The following PRDM7 variants were observed in gnomAD, a reference collection of about 807,000 sequenced individuals.
PRDM7 encodes histone-lysine N-methyltransferase PRDM7.
A neutral mutation model predicts 64.3 loss-of-function variants in PRDM7; 52 were observed. The ratio of observed to expected loss-of-function variants is 0.81; its 90% CI spans 0.65 to 1.02. The LOEUF (loss-of-function observed/expected upper bound fraction) is 1.02, where lower values mean the gene tolerates loss of function less well. PRDM7 is among the 50% of genes least tolerant of loss of function. PRDM7 has a pLI of 0.00. For synonymous variants in PRDM7, 192 were observed against 210.1 expected, an observed-to-expected ratio of 0.91 and a Z score of 0.74; for missense variants, 574 against 597.1, an observed-to-expected ratio of 0.96 and a Z score of 0.40.
In PRDM7 at chr16:90,066,096, G is replaced by T. The variant is rs1169046003; in HGVS notation, c.351+765C>A. Among the ~76,000 whole-genome samples, 17 of 151,364 alleles carry T rather than the reference G, an allele frequency of 1.1e-4. No individual in the cohort carries two copies. The East Asian group carries it at 3.3e-3, about 29-fold the overall frequency. ...CTACAGGAATGAGCATTTGAAATTG[G>T]TTCCAGAAGAATATATTTTTACTTA... On this transcript the variant is annotated intron_variant, in intron 5 of 10. Coordinates refer to ENST00000449207, the MANE Select transcript of PRDM7 (RefSeq NM_001098173.2).
Position 90,062,594 on chromosome 16 carries a change from T to C in PRDM7, c.509-92A>G, listed in dbSNP as rs569489233. ...AATGTGAAATCTCCTACCATCAAATTAGCATCTACCTTTCTACATACTCTA... is the reference window on the plus strand; with the variant it reads ...AATGTGAAATCTCCTACCATCAAATCAGCATCTACCTTTCTACATACTCTA... On this transcript the variant is annotated intron_variant, in intron 6 of 10. Transcript: ENST00000449207. The C allele has an allele frequency of 4.5e-5, 50 of 1,118,144 alleles. No individual in the cohort carries two copies. The African/African-American group carries it at 7.2e-4, about 16-fold the overall frequency. The allele number at this position is 1,118,144 out of a possible 1,614,324, so 69.3% of individuals were successfully genotyped here. A position where few individuals can be genotyped will look rare whatever the true frequency, so the allele number is the denominator to read the frequency against.
intron 8 of PRDM7, 67 bp from the exon 9 acceptor site, chr16:90,061,586 C>T (rs376811283): frequency 3.8e-5 from 57 of 1,519,948 alleles, no homozygotes; most frequent in African/African-American, 2.1e-4. Context: ...TTTTACTCCA[C>T]GGTCATCAAT....
rs2037870011 is a variant in PRDM7, at chr16:90,066,204, G to A, written c.351+657C>T. ...TTCGAACCTGAAACCCTTCAGGGCT[G>A]GAAGCTGCTTCCTCTGATCAGAATG... On this transcript the variant is annotated intron_variant, in intron 5 of 10. Transcript: ENST00000449207. Among the ~76,000 whole-genome samples, 3 of 151,264 alleles carry A rather than the reference G, an allele frequency of 2.0e-5. No individual in the cohort carries two copies. The South Asian group carries it at 6.2e-4, about 31-fold the overall frequency.
intron 4 of PRDM7, among the ~76,000 whole-genome samples, chr16:90,072,280 C>A: frequency 6.6e-6 from 1 of 151,636 alleles, no homozygotes. Context: ...TATTTGCACA[C>A]TGATAGTTAT....
At position 90,075,540 on chromosome 16, in the gene PRDM7, C is replaced by G; in HGVS notation, c.70-66G>C. 1.2e-6 allele frequency: 2 copies of G among 1,613,114 alleles called. No homozygotes were observed. On this transcript the variant is annotated intron_variant, in intron 2 of 10. Coordinates refer to ENST00000449207, the MANE Select transcript of PRDM7 (RefSeq NM_001098173.2). The surrounding 1 kb of genome is among the most constrained non-coding windows in gnomAD (Gnocchi z 4.3). The stretch of plus-strand genomic sequence containing the variant: ...ACATCGAGCTGGTCCTTTTCCTCTA[C>G]CCTGCGTGTAGGGCATAGCCTGGGG...
chr16:90,058,029 C>A lies in PRDM7; in HGVS notation c.*260G>T. ...TCCCACACTCTCTGCAGACGTAGGG[C>A]TTCCCCCCTGTGTGTGTCCTTTGGT... On this transcript the variant is annotated 3_prime_UTR_variant, in exon 11 of 11. Transcript: ENST00000449207. 1 of 1,610,726 alleles carries A rather than the reference C, an allele frequency of 6.2e-7. No individual in the cohort carries two copies. Among genetic ancestry groups the A allele is most frequent in the South Asian group, 1.1e-5 (1 of 91,038 alleles).
At chr16:90,064,237 T>A (rs370614286) in intron 5 of PRDM7, among the ~76,000 whole-genome samples, 18 of 152,178 alleles carry the variant, frequency 1.2e-4, no homozygotes, top group African/African-American at 4.1e-4. Flanking sequence ...TCTAGACAAC[T>A]AAGAAAGTGA....
intron 6 of PRDM7, among the ~76,000 whole-genome samples, chr16:90,063,330 C>T (rs540672854): frequency 2.0e-5 from 3 of 152,220 alleles, no homozygotes; most frequent in African/African-American, 4.8e-5. Flanking sequence ...CCCAGCTACT[C>T]GGGTGACTGA....
chr16:90,061,150 C>T (rs1440958386), intron 9 of PRDM7, among the ~76,000 whole-genome samples: 10 of 152,218 alleles, frequency 6.6e-5, no homozygotes, highest in Admixed American at 5.9e-4. Flanking sequence ...TAACCTGGAA[C>T]ATACTAAGTG....
intron 6 of PRDM7, among the ~76,000 whole-genome samples, chr16:90,063,175 G>T (rs2037811252): frequency 6.6e-6 from 1 of 152,184 alleles, no homozygotes; most frequent in African/African-American, 2.4e-5. Flanking sequence ...GCTAGGCATG[G>T]TGGCTCAAGC....
intron 4 of PRDM7, chr16:90,070,161 T>A (rs2037935696): frequency 6.6e-6 from 1 of 151,716 alleles, no homozygotes. Flanking sequence ...TAATGGGTGC[T>A]ATGGGCTGAA....
At position 90,062,196 on chromosome 16, in the gene PRDM7, G is replaced by C. The variant is rs1160361022; in HGVS notation, c.611-4C>G. 2 of 1,614,258 alleles carry C rather than the reference G, an allele frequency of 1.2e-6. No homozygotes were observed. Among genetic ancestry groups the C allele is most frequent in the Non-Finnish European group, 1.7e-6 (2 of 1,180,044 alleles). ...AAGTTCTGACACATCTCACAATCTG[G>C]AAGTGAGGGAAGCAGGGATTAGGAA... is the stretch of plus-strand genomic sequence containing the variant. On this transcript the variant is annotated splice_polypyrimidine_tract_variant and splice_region_variant and intron_variant, in intron 7 of 10. Coordinates refer to ENST00000449207, the MANE Select transcript of PRDM7 (RefSeq NM_001098173.2).
intron 6 of PRDM7, among the ~76,000 whole-genome samples, 190 bp downstream of exon 6, chr16:90,063,422 A>G (rs1466342560): frequency 6.6e-6 from 1 of 152,170 alleles, no homozygotes; most frequent in Non-Finnish European, 1.5e-5. Context: ...TGGGTGACAG[A>G]GTAAGACTCT....
intron 5 of PRDM7, 59 bp downstream of exon 5, chr16:90,066,802 T>C: frequency 7.0e-7 from 1 of 1,433,590 alleles, no homozygotes; most frequent in Non-Finnish European, 9.8e-7. Context: ...CTCCTTCTCT[T>C]ACCTGTATTT....
chr16:90,060,657 G>A, intron 9 of PRDM7, 34 bp from the exon 10 acceptor site: 2 of 1,610,618 alleles, frequency 1.2e-6, no homozygotes, highest in South Asian at 2.2e-5. Context: ...AAAGAAAGAG[G>A]CAGTGAGTTC....
Position 90,075,933 on chromosome 16 carries a change from C to G in PRDM7, c.-23G>C. 2.5e-6 allele frequency: 4 copies of G among 1,610,828 alleles called. No individual in the cohort carries two copies. Among genetic ancestry groups the G allele is most frequent in the Non-Finnish European group, 3.4e-6 (4 of 1,178,154 alleles). On this transcript the variant is annotated 5_prime_UTR_variant, in exon 2 of 11. Coordinates refer to ENST00000449207, the MANE Select transcript of PRDM7 (RefSeq NM_001098173.2). The surrounding 1 kb of genome is among the most constrained non-coding windows in gnomAD (Gnocchi z 4.3). ...CATGGTGCTGGGACTGTCTAGAAGGCCCTGCTCCAATTCTGAGTGTGGGAA... is the reference window on the plus strand; with the variant it reads ...CATGGTGCTGGGACTGTCTAGAAGGGCCTGCTCCAATTCTGAGTGTGGGAA...
At chr16:90,061,589 T>A (rs1014255118) in intron 8 of PRDM7, 70 bp from the exon 9 acceptor site, 24 of 1,513,680 alleles carry the variant, frequency 1.6e-5, no homozygotes, top group African/African-American at 1.2e-4. Flanking sequence ...TACTCCACGG[T>A]CATCAATGGC....
chr16:90,066,326 A>C (rs2037871662), intron 5 of PRDM7, among the ~76,000 whole-genome samples: 1 of 151,242 alleles, frequency 6.6e-6, no homozygotes, highest in African/African-American at 2.5e-5. Context: ...AGAGTGTTTT[A>C]GTGCAAATCT....
chr16:90,067,748 G>A (rs1051720152), intron 4 of PRDM7, among the ~76,000 whole-genome samples: 8 of 150,510 alleles, frequency 5.3e-5, no homozygotes, highest in Non-Finnish European at 7.4e-5. Flanking sequence ...CTGCCACCAC[G>A]CCCAGCTAAT....
Sources: allele counts gnomAD v4.1 joint callset (sites outside exome capture counted in the v4.1 genomes callset), GRCh38; gene constraint gnomAD v4.1.1; non-coding constraint Gnocchi (gnomAD v3.1); transcripts MANE v1.5; gene names NCBI Gene and HGNC (gene_info 2026-07-23, HGNC 2026-07-21).